Variants in ZNF26 observed in about 807,000 individuals in gnomAD.
ZNF26 encodes epididymis luminal protein 179.
In ZNF26, 32 loss-of-function variants were observed where a neutral mutation model predicts 54.9. That is an observed-to-expected ratio of 0.58 (90% CI 0.44 to 0.78). ZNF26 has a LOEUF of 0.78. ZNF26 is among the 30% of genes least tolerant of loss of function. The pLI is 0.00. For synonymous variants in ZNF26, 221 were observed against 209.2 expected (o/e 1.06, Z -0.49); for missense variants, 524 against 634.0 (o/e 0.83, Z 1.86).
Position 133,012,578 on chromosome 12 carries a change from G to GTTTTTTTTTTTTTTTTTTTTTTTTTTTT in ZNF26, c.*1101_*1128dup, listed in dbSNP as rs1193864973. On this transcript the variant is annotated 3_prime_UTR_variant, in exon 4 of 4. Transcript: ENST00000328654. ...ATGTCTTTTGCTTTTTGTTGTTTGG[G>GTTTTTTTTTTTTTTTTTTTTTTTTTTTT]TTTTTTTTTTTTTTTTTTTTTTTTT... 8.0e-5 allele frequency: 3 copies of GTTTTTTTTTTTTTTTTTTTTTTTTTTTT among 37,668 alleles called. No individual in the cohort carries two copies. The highest frequency in any genetic ancestry group is 1.5e-4 in the Non-Finnish European group (3 of 20,648). 2.3% of individuals were successfully genotyped at this position (37,668 alleles called of 1,614,324 possible).
rs7980522 is a variant in ZNF26, at chr12:133,026,381, A to G, written c.*14900A>G. The G allele has an allele frequency of 0.92, 140,000 of 152,168 alleles. 64,737 individuals are homozygous for G. Among genetic ancestry groups the G allele is most frequent in the East Asian group, 1 (5,149 of 5,156 alleles). The allele number at this position is 152,168 out of a possible 1,614,324, so 9.4% of individuals were successfully genotyped here. On this transcript the variant is annotated 3_prime_UTR_variant, in exon 4 of 4. Coordinates refer to ENST00000328654, the MANE Select transcript of ZNF26 (RefSeq NM_019591.4). ...CCCAAAGTGCTGGGATTACAGGCGT[A>G]AGCCACTGCGCCTGGCCAATAAGTC...
intron 1 of ZNF26, chr12:132,995,223 GGTGTGTT>G (rs1374250138): frequency 3.9e-5 from 6 of 152,684 alleles, no homozygotes; most frequent in Non-Finnish European, 8.8e-5. Context: ...AGTTGATGTG[GGTGTGTT>G]GTGTAGGCGT....
chr12:132,993,045 G>A (rs1321327290), intron 1 of ZNF26, among the ~76,000 whole-genome samples: 1 of 48,180 alleles, frequency 2.1e-5, no homozygotes, highest in African/African-American at 4.5e-5. Context: ...TTTTTTTTGA[G>A]ATGGAGTCTC....
chr12:133,021,459 T>C lies in ZNF26; in HGVS notation c.*9978T>C, dbSNP rs1394704851. On this transcript the variant is annotated 3_prime_UTR_variant, in exon 4 of 4. Transcript: ENST00000328654. The stretch of plus-strand genomic sequence containing the variant: ...AGCCACTGTGCCCTGCCAATGCTTA[T>C]ACATTTCAAGAAAAACATTTATTTG... The C allele has an allele frequency of 1.3e-5, 2 of 150,604 alleles. No homozygotes were observed. Among genetic ancestry groups the C allele is most frequent in the African/African-American group, 2.4e-5 (1 of 41,106 alleles). The allele number at this position is 150,604 out of a possible 1,614,324, so 9.3% of individuals were successfully genotyped here. A position where few individuals can be genotyped will look rare whatever the true frequency, so the allele number is the denominator to read the frequency against.
At chr12:133,000,050 C>T (rs1953176773) in intron 1 of ZNF26, among the ~76,000 whole-genome samples, 2 of 152,090 alleles carry the variant, frequency 1.3e-5, no homozygotes, top group Non-Finnish European at 2.9e-5. Flanking sequence ...TTTTATGCAA[C>T]TTTGCATGGT....
At position 133,008,731 on chromosome 12, in the gene ZNF26, G is replaced by A. The variant is rs897693608; in HGVS notation, c.256+1199G>A. On this transcript the variant is annotated intron_variant, in intron 3 of 3. Coordinates refer to ENST00000328654, the MANE Select transcript of ZNF26 (RefSeq NM_019591.4). ...GCGGAGCTTGCAGTGAGCCGAGATC[G>A]TGCCACTGCACTCCAGCCTGGGCAA... Among the ~76,000 whole-genome samples the A allele has an allele frequency of 9.5e-5, 14 of 146,960 alleles. No individual in the cohort carries two copies. The East Asian group carries it at 1.2e-3, about 13-fold the overall frequency.
intron 3 of ZNF26, among the ~76,000 whole-genome samples, chr12:133,009,321 A>G (rs1440389647): frequency 1.3e-5 from 2 of 152,186 alleles, no homozygotes; most frequent in Non-Finnish European, 2.9e-5. Context: ...GGCTGGGCAC[A>G]GTGGCTCACA....
intron 1 of ZNF26, among the ~76,000 whole-genome samples, chr12:133,003,972 G>T (rs1286269183): frequency 1.3e-5 from 2 of 152,160 alleles, no homozygotes; most frequent in Non-Finnish European, 2.9e-5. Context: ...TGCTAATTCT[G>T]TGAGTATCAG....
In ZNF26 at chr12:133,026,532, T is replaced by C. The variant is rs1953707970; in HGVS notation, c.*15051T>C. ...CATATAGTTCAACTTTTTTTTTTTT[T>C]TTTTTTTTTTTTGATACAGAGTCTC... is the stretch of plus-strand genomic sequence containing the variant. On this transcript the variant is annotated 3_prime_UTR_variant, in exon 4 of 4. Transcript: ENST00000328654. 6.7e-6 allele frequency: 1 copy of C among 148,282 alleles called. No individual in the cohort carries two copies. The highest frequency in any genetic ancestry group is 2.2e-4 in the South Asian group (1 of 4,642). 9.2% of individuals were successfully genotyped at this position (148,282 alleles called of 1,614,324 possible). A position where few individuals can be genotyped will look rare whatever the true frequency, so the allele number is the denominator to read the frequency against.
Position 133,023,439 on chromosome 12 carries a change from C to A in ZNF26, c.*11958C>A, listed in dbSNP as rs1293528715. On this transcript the variant is annotated 3_prime_UTR_variant, in exon 4 of 4. Transcript: ENST00000328654. Reference sequence around the variant, plus strand: ...TTACTTCCAAATTCACCTAGAAATTCTTTTATAACCTTTACACCAAATCAG... The same window carrying A: ...TTACTTCCAAATTCACCTAGAAATTATTTTATAACCTTTACACCAAATCAG... 1 of 152,058 alleles carries A rather than the reference C, an allele frequency of 6.6e-6. No homozygotes were observed. Among genetic ancestry groups the A allele is most frequent in the Non-Finnish European group, 1.5e-5 (1 of 68,014 alleles). 9.4% of individuals were successfully genotyped at this position (152,058 alleles called of 1,614,324 possible). A position where few individuals can be genotyped will look rare whatever the true frequency, so the allele number is the denominator to read the frequency against.
At chr12:133,009,325 G>A (rs909072662) in intron 3 of ZNF26, among the ~76,000 whole-genome samples, 60 of 152,300 alleles carry the variant, frequency 3.9e-4, no homozygotes, top group Non-Finnish European at 6.6e-4. Context: ...GGGCACAGTG[G>A]CTCACACCTG....
At chr12:132,989,422 G>A (rs2137207237) in intron 1 of ZNF26, among the ~76,000 whole-genome samples, 1 of 152,164 alleles carries the variant, frequency 6.6e-6, no homozygotes, top group South Asian at 2.1e-4. Flanking sequence ...CATTTTACAG[G>A]TTAAGTATCT....
rs1259590501 is a variant in ZNF26, at chr12:133,026,139, T to C, written c.*14658T>C. ...TTTTTTTTGAGATGCACTCTCACTC[T>C]TTCCCAGGCTGGAGTGCAGTGGCAC... On this transcript the variant is annotated 3_prime_UTR_variant, in exon 4 of 4. Coordinates refer to ENST00000328654, the MANE Select transcript of ZNF26 (RefSeq NM_019591.4). The C allele has an allele frequency of 4.6e-5, 7 of 152,168 alleles. No homozygotes were observed. The highest frequency in any genetic ancestry group is 1.4e-4 in the African/African-American group (6 of 41,428). 9.4% of individuals were successfully genotyped at this position (152,168 alleles called of 1,614,324 possible). A position where few individuals can be genotyped will look rare whatever the true frequency, so the allele number is the denominator to read the frequency against.
Position 133,011,536 on chromosome 12 carries a change from T to C in ZNF26, c.*55T>C, listed in dbSNP as rs962792471. The C allele has an allele frequency of 6.8e-6, 10 of 1,478,622 alleles. No individual in the cohort carries two copies. The Admixed American group carries it at 7.4e-5, about 11-fold the overall frequency. 91.6% of individuals were successfully genotyped at this position (1,478,622 alleles called of 1,614,324 possible). A position where few individuals can be genotyped will look rare whatever the true frequency, so the allele number is the denominator to read the frequency against. ...GATGTTCAGGAGACTTCGGATAATA[T>C]AGACAGGATTTACAAGCAGGAGGCC... On this transcript the variant is annotated 3_prime_UTR_variant, in exon 4 of 4. Transcript: ENST00000328654.
In ZNF26 at chr12:133,010,647, A is replaced by G; in HGVS notation, c.768A>G (p.Lys256=). 2 of 1,614,168 alleles carry G rather than the reference A, an allele frequency of 1.2e-6. No homozygotes were observed. The highest frequency in any genetic ancestry group is 1.7e-6 in the Non-Finnish European group (2 of 1,180,032). The change falls in exon 4 of 4, where the codon AAA becomes AAG. Residue 256 remains lysine, a synonymous_variant. Coordinates refer to ENST00000328654, the MANE Select transcript of ZNF26 (RefSeq NM_019591.4). The part of the protein sequence containing the change: ...IVHQEIHTGG[K]PYGCSECGKA... ...ATCAGGAAATTCACACAGGAGGGAA[A>G]CCCTATGGCTGCAGTGAATGTGGGA...
chr12:132,996,211 C>G (rs1953079230), intron 1 of ZNF26, among the ~76,000 whole-genome samples: 1 of 152,198 alleles, frequency 6.6e-6, no homozygotes, highest in Non-Finnish European at 1.5e-5. Context: ...CAGCACTCAA[C>G]AGATGTCCCA....
chr12:132,999,360 A>G (rs1169583076), intron 1 of ZNF26, among the ~76,000 whole-genome samples: 4 of 152,004 alleles, frequency 2.6e-5, no homozygotes, highest in African/African-American at 9.7e-5. Context: ...GGTTCAAGTG[A>G]TTCTCCTGCC....
At position 133,022,384 on chromosome 12, in the gene ZNF26, A is replaced by G. The variant is rs1053841135; in HGVS notation, c.*10903A>G. On this transcript the variant is annotated 3_prime_UTR_variant, in exon 4 of 4. Transcript: ENST00000328654. The stretch of plus-strand genomic sequence containing the variant: ...GCATCAAAATACAAAATAGATACAA[A>G]TCTTATGGTGTTGGAACTGTTCAGC... 7 of 152,176 alleles carry G rather than the reference A, an allele frequency of 4.6e-5. No homozygotes were observed. Among genetic ancestry groups the G allele is most frequent in the African/African-American group, 7.2e-5 (3 of 41,422 alleles). 9.4% of individuals were successfully genotyped at this position (152,176 alleles called of 1,614,324 possible).
intron 1 of ZNF26, chr12:133,006,155 A>G (rs1012861640): frequency 6.6e-5 from 65 of 984,736 alleles, no homozygotes; most frequent in Admixed American, 1.2e-4. Flanking sequence ...CTTAGAATGC[A>G]GATGTGATGA....
Sources: allele counts gnomAD v4.1 joint callset (sites outside exome capture counted in the v4.1 genomes callset), GRCh38; gene constraint gnomAD v4.1.1; transcripts MANE v1.5; gene names NCBI Gene and HGNC (gene_info 2026-07-23, HGNC 2026-07-21).